MUC7: variants seen among roughly 807,000 people sequenced by gnomAD.
The protein encoded by MUC7 is mucin 7, secreted.
MUC7 carries 2 observed loss-of-function variants against 2.5 expected under a neutral mutation model. The observed-to-expected ratio is 0.81, with a 90% confidence interval of 0.33 to 2.55. The LOEUF is 2.55. MUC7 is among the 30% of genes most tolerant of loss of function. The probability of loss-of-function intolerance (pLI) is 0.11; values close to 1 mark genes in which losing one functional copy is unlikely to be tolerated. For missense variants in MUC7, 408 were observed against 455.6 expected (o/e 0.90, Z 0.95); for synonymous variants, 133 against 173.4 (o/e 0.77, Z 1.83).
chr4:70,438,330 A>G (rs920196112), intron 1 of MUC7, among the ~76,000 whole-genome samples: 1 of 152,210 alleles, frequency 6.6e-6, no homozygotes, highest in Admixed American at 6.5e-5. Flanking sequence ...AATAACTATC[A>G]TAAAGAAAGC....
intron 2 of MUC7, among the ~76,000 whole-genome samples, chr4:70,479,621 G>T (rs182463287): frequency 6.6e-6 from 1 of 152,164 alleles, no homozygotes; most frequent in Non-Finnish European, 1.5e-5. Context: ...AATGTAGTAT[G>T]AGATTGAATA....
intron 2 of MUC7, 84 bp downstream of exon 2, chr4:70,474,159 T>C (rs1577914491): frequency 9.1e-7 from 1 of 1,094,372 alleles, no homozygotes; most frequent in Non-Finnish European, 1.4e-6. Context: ...TAAAGCATAA[T>C]AGGCAACCCC....
At position 70,480,717 on chromosome 4, in the gene MUC7, G is replaced by A. The variant is rs563082486; in HGVS notation, c.55-82G>A. 81 of 1,396,760 alleles carry A rather than the reference G, an allele frequency of 5.8e-5. No individual in the cohort carries two copies. In the East Asian group the frequency reaches 5.8e-4, roughly 10 times the overall value. The allele number at this position is 1,396,760 out of a possible 1,614,324, so 86.5% of individuals were successfully genotyped here. Reference sequence around the variant, plus strand: ...CTAATCCCAGCATTCCACAAATACCGCTCATCTCATGGTCAGCAGTGATCA... The same window carrying A: ...CTAATCCCAGCATTCCACAAATACCACTCATCTCATGGTCAGCAGTGATCA... On this transcript the variant is annotated intron_variant, in intron 2 of 2. Transcript: ENST00000304887.
At position 70,432,126 on chromosome 4, in the gene MUC7, A is replaced by T. The variant is rs553402208; in HGVS notation, c.-93+1439A>T. On this transcript the variant is annotated intron_variant, in intron 1 of 3. Coordinates refer to the MUC7 transcript ENST00000413702. ...TATTCCATGGTGTATATGTGCCACA[A>T]TTTCTTAATTCAGTCTATCATTGAT... Among the ~76,000 whole-genome samples the T allele has an allele frequency of 4.6e-5, 7 of 152,200 alleles. No individual in the cohort carries two copies. The South Asian group carries it at 1.2e-3, about 27-fold the overall frequency.
At chr4:70,467,704 A>C (rs1734716650), upstream of MUC7, among the ~76,000 whole-genome samples, 1 of 152,214 alleles carries the variant, frequency 6.6e-6, no homozygotes, top group East Asian at 1.9e-4. Context: ...CCAAAGACTA[A>C]ACCAGGAAGA....
intron 1 of MUC7, among the ~76,000 whole-genome samples, chr4:70,456,542 C>T (rs1245590854): frequency 6.6e-6 from 1 of 152,066 alleles, no homozygotes; most frequent in East Asian, 1.9e-4. Context: ...TATATGATGG[C>T]AGAAGAGAGA....
chr4:70,451,500 G>A (rs1337522010), intron 1 of MUC7, among the ~76,000 whole-genome samples: 2 of 152,184 alleles, frequency 1.3e-5, no homozygotes, highest in Non-Finnish European at 2.9e-5. Flanking sequence ...GTTATGATCA[G>A]TGGAGCTTTT....
intron 1 of MUC7, among the ~76,000 whole-genome samples, chr4:70,445,101 C>A (rs34467583): frequency 0.17 from 25,990 of 151,932 alleles, 2,336 homozygotes; most frequent in Middle Eastern, 0.22. Context: ...TGAAACCAAA[C>A]GAACTTTCAT....
upstream of MUC7, among the ~76,000 whole-genome samples, chr4:70,471,314 A>G (rs2109737393): frequency 6.6e-6 from 1 of 152,318 alleles, no homozygotes; most frequent in East Asian, 1.9e-4. Flanking sequence ...CTGGGATAAA[A>G]GAAACTAGAG....
chr4:70,433,110 C>T (rs1326532989), intron 1 of MUC7, among the ~76,000 whole-genome samples: 1 of 152,124 alleles, frequency 6.6e-6, no homozygotes, highest in Admixed American at 6.5e-5. Flanking sequence ...GGTACCAGTA[C>T]CATGCTGTTT....
At chr4:70,448,755 G>A (rs2109712975) in intron 1 of MUC7, among the ~76,000 whole-genome samples, 2 of 152,154 alleles carry the variant, frequency 1.3e-5, no homozygotes, top group South Asian at 4.2e-4. Flanking sequence ...TTTCTTTGCT[G>A]TGCAGAAGCT....
intron 1 of MUC7, among the ~76,000 whole-genome samples, chr4:70,449,837 G>A (rs188395998): frequency 6.6e-6 from 1 of 152,298 alleles, no homozygotes; most frequent in Non-Finnish European, 1.5e-5. Flanking sequence ...ACCTAAAGCT[G>A]GGGATGGAGT....
At chr4:70,480,106 G>A (rs1735122060) in intron 2 of MUC7, among the ~76,000 whole-genome samples, 1 of 152,140 alleles carries the variant, frequency 6.6e-6, no homozygotes, top group Middle Eastern at 3.2e-3. Flanking sequence ...AACCATTGGT[G>A]CTCTATCCAG....
At chr4:70,445,321 C>T (rs1734104603) in intron 1 of MUC7, among the ~76,000 whole-genome samples, 2 of 152,200 alleles carry the variant, frequency 1.3e-5, no homozygotes, top group African/African-American at 4.8e-5. Flanking sequence ...GTTGCTCCAG[C>T]TGGTATATTA....
intron 1 of MUC7, among the ~76,000 whole-genome samples, chr4:70,458,225 C>T (rs921535430): frequency 3.6e-5 from 4 of 112,658 alleles, no homozygotes; most frequent in Admixed American, 1.1e-4. Context: ...TACACATGAT[C>T]ATCTTGATTG....
At chr4:70,460,530 T>C (rs954548642) in intron 1 of MUC7, among the ~76,000 whole-genome samples, 25 of 151,620 alleles carry the variant, frequency 1.6e-4, no homozygotes, top group Admixed American at 1.5e-3. Flanking sequence ...TAAGCCCAAG[T>C]GCAGTTTGTG....
chr4:70,480,944 A>G lies in MUC7; in HGVS notation c.200A>G (p.His67Arg), dbSNP rs755232011. Residue 67 changes from histidine (H) to arginine (R), a missense_variant, in exon 3 of 3, where the codon CAC (histidine) becomes CGC (arginine). Transcript: ENST00000304887. Reference sequence around the variant, plus strand: ...ATTAGAAAGTCCTATAAATGTCTGCACAAACGCTGTAGGCCTAAGCTTCCA... The same window carrying G: ...ATTAGAAAGTCCTATAAATGTCTGCGCAAACGCTGTAGGCCTAAGCTTCCA... ...PFIRKSYKCL[H>R]KRCRPKLPPS... 4.2e-5 allele frequency: 68 copies of G among 1,614,018 alleles called. No individual in the cohort carries two copies. In the East Asian group the frequency reaches 9.6e-4, roughly 23 times the overall value.
intron 1 of MUC7, among the ~76,000 whole-genome samples, chr4:70,431,257 C>CT (rs35750253): frequency 0.28 from 43,161 of 151,730 alleles, 6,384 homozygotes; most frequent in East Asian, 0.4. Flanking sequence ...ATTGTATTTA[C>CT]TTTTTTTTCA....
rs183979742 is a variant in MUC7, at chr4:70,440,805, G to T, written c.-93+10118G>T. Among the ~76,000 whole-genome samples the T allele has an allele frequency of 4.5e-3, 691 of 152,122 alleles. 7 individuals carry two copies. Among genetic ancestry groups the T allele is most frequent in the African/African-American group, 0.016 (667 of 41,504 alleles). ...AATAAAAACAAAATAGAGGAAAAAG[G>T]GAGGGAAAGAGAATGGATGAGAAGA... On this transcript the variant is annotated intron_variant, in intron 1 of 3. Coordinates refer to the MUC7 transcript ENST00000413702.
Sources: gnomAD v4.1 joint callset for allele counts (sites outside exome capture counted in the v4.1 genomes callset) on GRCh38, gnomAD v4.1.1 for gene constraint, MANE v1.5 for transcripts, NCBI Gene and HGNC (gene_info 2026-07-23, HGNC 2026-07-21) for gene names.